ZNF407: variants seen among roughly 807,000 people sequenced by gnomAD.
ZNF407 encodes the protein zinc finger protein 407.
In ZNF407, 17 loss-of-function variants were observed where a neutral mutation model predicts 131.2. That is an observed-to-expected ratio of 0.13 (90% CI 0.09 to 0.19). The LOEUF is 0.19. Ranked by LOEUF, ZNF407 falls within the 10% of genes least tolerant of loss-of-function variation. The pLI, the probability that ZNF407 is intolerant of heterozygous loss-of-function variation, is 1.00. For missense variants in ZNF407, 2,681 were observed against 2,830.6 expected (o/e 0.95, Z 1.20); for synonymous variants, 1,156 against 1,062.0 (o/e 1.09, Z -1.72).
chr18:74,828,212 T>A (rs1194793062), intron 4 of ZNF407, among the ~76,000 whole-genome samples: 1 of 152,170 alleles, frequency 6.6e-6, no homozygotes, highest in Non-Finnish European at 1.5e-5. Flanking sequence ...TCTGGTTGGC[T>A]TTGGTGAGGG....
chr18:74,679,178 A>C (rs1226771334), intron 3 of ZNF407, among the ~76,000 whole-genome samples: 2 of 152,366 alleles, frequency 1.3e-5, no homozygotes, highest in East Asian at 3.9e-4. Context: ...AGGGCACAGG[A>C]AACGTTAATT....
intron 5 of ZNF407, 37 bp downstream of exon 5, chr18:74,877,400 C>T: frequency 5.0e-6 from 8 of 1,598,234 alleles, no homozygotes; most frequent in Non-Finnish European, 6.8e-6. Flanking sequence ...GGAGGCTGGG[C>T]AGAGGTAGAC....
At chr18:74,829,687 T>G (rs1970455825) in intron 4 of ZNF407, among the ~76,000 whole-genome samples, 1 of 152,202 alleles carries the variant, frequency 6.6e-6, no homozygotes, top group Non-Finnish European at 1.5e-5. Flanking sequence ...TCTGGAATGA[T>G]AATTATTGCT....
At chr18:74,900,924 C>T (rs546259570) in intron 7 of ZNF407, among the ~76,000 whole-genome samples, 130 of 152,160 alleles carry the variant, frequency 8.5e-4, no homozygotes, top group African/African-American at 2.8e-3. Flanking sequence ...TTCAAATTGC[C>T]GGTTTTTTTC....
chr18:74,742,570 T>C (rs1968574573), intron 3 of ZNF407, among the ~76,000 whole-genome samples: 1 of 152,240 alleles, frequency 6.6e-6, no homozygotes, highest in South Asian at 2.1e-4. Flanking sequence ...CTTTAAAGTT[T>C]TTTATGTAAA....
At chr18:75,062,948 C>T (rs1973655286) in intron 8 of ZNF407, 2 of 525,872 alleles carry the variant, frequency 3.8e-6, no homozygotes, top group Non-Finnish European at 6.7e-6. Flanking sequence ...ACTGTGTGTG[C>T]CCTTGAGCCT....
intron 1 of ZNF407, among the ~76,000 whole-genome samples, chr18:74,623,182 A>G (rs1444141536): frequency 6.7e-6 from 1 of 148,658 alleles, no homozygotes; most frequent in South Asian, 2.1e-4. Flanking sequence ...GTGAATGTGA[A>G]TCCGTGTGTG....
At position 74,672,461 on chromosome 18, in the gene ZNF407, T is replaced by TGTTTGTTCATTGGAGCACC. The variant is rs1370548454; in HGVS notation, c.4802+31346_4802+31364dup. On this transcript the variant is annotated intron_variant, in intron 3 of 8. Coordinates refer to ENST00000299687, the MANE Select transcript of ZNF407 (RefSeq NM_017757.3). ...ACTGTTTGTCTGTTCATTGGAGCAC[T>TGTTTGTTCATTGGAGCACC]GTTTGTTCATTGGAGCACCGTTTGT... Among the ~76,000 whole-genome samples, 507 of 151,368 alleles carry TGTTTGTTCATTGGAGCACC rather than the reference T, an allele frequency of 3.3e-3. 5 individuals are homozygous for TGTTTGTTCATTGGAGCACC. Among genetic ancestry groups the TGTTTGTTCATTGGAGCACC allele is most frequent in the African/African-American group, 0.012 (486 of 41,326 alleles).
chr18:74,869,175 CCTTTATTTGTT>C (rs1331772802), intron 4 of ZNF407, among the ~76,000 whole-genome samples: 3 of 151,958 alleles, frequency 2.0e-5, no homozygotes, highest in Non-Finnish European at 4.4e-5. Flanking sequence ...AAAGAAATTC[CCTTTATTTGTT>C]CTTTAAATAG....
chr18:75,041,433 CCTCTCACACACACACTCTCT>C (rs1436855918), intron 8 of ZNF407, among the ~76,000 whole-genome samples: 2 of 152,226 alleles, frequency 1.3e-5, no homozygotes, highest in African/African-American at 4.8e-5. Context: ...TCTCTTCTTA[CCTCTCACACACACACTCTCT>C]CTCTCACACA....
At chr18:74,610,137 C>A (rs1599126913) in intron 1 of ZNF407, among the ~76,000 whole-genome samples, 1 of 152,152 alleles carries the variant, frequency 6.6e-6, no homozygotes, top group Non-Finnish European at 1.5e-5. Flanking sequence ...ACCTGCAATA[C>A]ACAAGCCACT....
intron 8 of ZNF407, among the ~76,000 whole-genome samples, chr18:75,026,703 C>T (rs185120475): frequency 2.6e-4 from 39 of 152,248 alleles, no homozygotes; most frequent in Admixed American, 6.5e-4. Context: ...AAATAACTGC[C>T]GTGTTTATTA....
At chr18:74,960,458 G>A (rs1257572701) in intron 8 of ZNF407, among the ~76,000 whole-genome samples, 1 of 146,898 alleles carries the variant, frequency 6.8e-6, no homozygotes, top group East Asian at 2.0e-4. Context: ...GGAGGGATAG[G>A]AGAAGGTCCT....
chr18:74,934,488 T>C (rs1420837102), intron 8 of ZNF407, among the ~76,000 whole-genome samples: 2 of 152,194 alleles, frequency 1.3e-5, no homozygotes, highest in Non-Finnish European at 2.9e-5. Context: ...TAAATCCTTT[T>C]GCATCTTGGA....
Position 74,607,693 on chromosome 18 carries a change from CTG to C in ZNF407, c.-54+9758_-54+9759del, listed in dbSNP as rs1982870378. Among the ~76,000 whole-genome samples the C allele has an allele frequency of 2.0e-5, 3 of 151,756 alleles. No homozygotes were observed. In the South Asian group the frequency reaches 6.2e-4, roughly 32 times the overall value. On this transcript the variant is annotated intron_variant, in intron 1 of 8. Transcript: ENST00000299687. ...AAAAATTAGTTCTGGTTTTGTGACTCTGTACTTTTCTTTGTTATTTTGTGTAC... is the reference window on the plus strand; with the variant it reads ...AAAAATTAGTTCTGGTTTTGTGACTCTACTTTTCTTTGTTATTTTGTGTAC...
chr18:75,020,030 C>G (rs1481419285), intron 8 of ZNF407, among the ~76,000 whole-genome samples: 1 of 152,138 alleles, frequency 6.6e-6, no homozygotes, highest in Non-Finnish European at 1.5e-5. Context: ...CACCTAGTAT[C>G]CATCCTGGTC....
At chr18:74,940,936 G>A (rs1395015464) in intron 8 of ZNF407, among the ~76,000 whole-genome samples, 3 of 152,156 alleles carry the variant, frequency 2.0e-5, no homozygotes, top group African/African-American at 7.2e-5. Context: ...TATAATTGGG[G>A]TGGTAGAACA....
chr18:74,985,767 C>CA (rs1291645810), intron 8 of ZNF407, among the ~76,000 whole-genome samples: 3 of 152,034 alleles, frequency 2.0e-5, no homozygotes, highest in Non-Finnish European at 4.4e-5. Context: ...CAGGGTAGTA[C>CA]AAAAAACTGT....
chr18:74,876,023 G>A (rs1011480294), intron 4 of ZNF407, among the ~76,000 whole-genome samples: 4 of 152,124 alleles, frequency 2.6e-5, no homozygotes, highest in African/African-American at 9.7e-5. Context: ...CCTCAAAATA[G>A]GGAAGTTAAT....
Sources: allele counts gnomAD v4.1 joint callset (sites outside exome capture counted in the v4.1 genomes callset), GRCh38; gene constraint gnomAD v4.1.1; transcripts MANE v1.5; gene names NCBI Gene and HGNC (gene_info 2026-07-23, HGNC 2026-07-21).